Variants in TMEM179B observed in about 807,000 individuals in gnomAD.
TMEM179B encodes the protein transmembrane protein 179B.
TMEM179B carries 13 observed loss-of-function variants against 18.0 expected under a neutral mutation model. The ratio of observed to expected loss-of-function variants is 0.72; its 90% confidence interval spans 0.47 to 1.15. The LOEUF (loss-of-function observed/expected upper bound fraction) is 1.15. TMEM179B is among the 50% of genes most tolerant of loss of function. The probability of loss-of-function intolerance (pLI) is 0.00; values close to 1 mark genes in which losing one functional copy is unlikely to be tolerated. For missense variants in TMEM179B, 320 were observed against 270.6 expected (o/e 1.18, Z -1.28); for synonymous variants, 159 against 117.5 (o/e 1.35, Z -2.29).
rs769614408 is a variant in TMEM179B, at chr11:62,790,092, G to C, written c.*45G>C. On this transcript the variant is annotated 3_prime_UTR_variant, in exon 5 of 5. Transcript: ENST00000333449. ...CTGCAGCCGAAGACTCCATGCCCAA[G>C]TGCCTGTAATCCCCCCCCTCAAGGC... 4 of 1,530,932 alleles carry C rather than the reference G, an allele frequency of 2.6e-6. No homozygotes were observed. In the African/African-American group the frequency reaches 5.5e-5, roughly 21 times the overall value. The allele number at this position is 1,530,932 out of a possible 1,614,324, so 94.8% of individuals were successfully genotyped here.
At position 62,789,154 on chromosome 11, in the gene TMEM179B, C is replaced by T. The variant is rs772908332; in HGVS notation, c.228C>T (p.Tyr76=). 8.1e-6 allele frequency: 13 copies of T among 1,614,096 alleles called. No homozygotes were observed. The highest frequency in any genetic ancestry group is 1.7e-5 in the Admixed American group (1 of 59,994). The change falls in exon 2 of 5, where the codon TAC becomes TAT. Residue 76 remains tyrosine (Y), a synonymous_variant. Coordinates refer to ENST00000333449, the MANE Select transcript of TMEM179B (RefSeq NM_199337.3). The part of the protein sequence containing the change: ...VAGASGLLAL[Y]CLLLLLFWIY... The stretch of plus-strand genomic sequence containing the variant: ...GGGCCTCTGGCCTCTTGGCCCTCTA[C>T]TGCCTCCTGCTTTTGCTCTTCTGGA...
rs760912670 is a variant in TMEM179B, at chr11:62,790,341, C to T, written c.*294C>T. On this transcript the variant is annotated 3_prime_UTR_variant, in exon 5 of 5. Transcript: ENST00000333449. ...GAAACTTAGAGGTACTGTTAGGCAGCTGCCCTAGGGATGACTGCTCCTTTA... is the reference window on the plus strand; with the variant it reads ...GAAACTTAGAGGTACTGTTAGGCAGTTGCCCTAGGGATGACTGCTCCTTTA... 1.1e-5 allele frequency: 6 copies of T among 537,956 alleles called. No individual in the cohort carries two copies. The highest frequency in any genetic ancestry group is 3.7e-5 in the Admixed American group (1 of 27,262). 33.3% of individuals were successfully genotyped at this position (537,956 alleles called of 1,614,324 possible). A position where few individuals can be genotyped will look rare whatever the true frequency, so the allele number is the denominator to read the frequency against.
chr11:62,788,432 T>C (rs1427069970), intron 1 of TMEM179B, among the ~76,000 whole-genome samples: 1 of 146,434 alleles, frequency 6.8e-6, no homozygotes, highest in African/African-American at 2.5e-5. Context: ...TGGCCGGGCC[T>C]GGTGGCTCAC....
rs144162053 is a variant in TMEM179B, at chr11:62,790,104, C to A, written c.*57C>A. 6.6e-7 allele frequency: 1 copy of A among 1,503,794 alleles called. No homozygotes were observed. The highest frequency in any genetic ancestry group is 8.9e-7 in the Non-Finnish European group (1 of 1,126,564). 93.2% of individuals were successfully genotyped at this position (1,503,794 alleles called of 1,614,324 possible). ...ACTCCATGCCCAAGTGCCTGTAATC[C>A]CCCCCCTCAAGGCCCTGTTTATGTT... On this transcript the variant is annotated 3_prime_UTR_variant, in exon 5 of 5. Coordinates refer to ENST00000333449, the MANE Select transcript of TMEM179B (RefSeq NM_199337.3).
intron 1 of TMEM179B, among the ~76,000 whole-genome samples, chr11:62,788,755 T>G (rs1221664024): frequency 6.6e-6 from 1 of 152,022 alleles, no homozygotes; most frequent in Non-Finnish European, 1.5e-5. Flanking sequence ...CTAAGGTTTC[T>G]GCACAGAGAC....
rs1348376461 is a variant in TMEM179B at position 62,787,530 on chromosome 11, G to A, written c.96+3G>A. 1.9e-6 allele frequency: 3 copies of A among 1,561,234 alleles called. No homozygotes were observed. The highest frequency in any genetic ancestry group is 1.7e-6 in the Non-Finnish European group (2 of 1,162,640). On this transcript the variant is annotated splice_donor_region_variant and intron_variant, in intron 1 of 4. Transcript: ENST00000333449. Reference sequence around the variant, plus strand: ...CCGCGGCGATGACTCGGACCCAGGTGCGGCTGCGGGGCGGGGTCAGGTAGG... The same window carrying A: ...CCGCGGCGATGACTCGGACCCAGGTACGGCTGCGGGGCGGGGTCAGGTAGG...
chr11:62,788,676 CAAA>C (rs5792270), intron 1 of TMEM179B, among the ~76,000 whole-genome samples: 1 of 122,388 alleles, frequency 8.2e-6, no homozygotes. Context: ...TGCACTCCAG[CAAA>C]AAAAAAAAAA....
intron 1 of TMEM179B, chr11:62,787,901 G>C: frequency 1.9e-6 from 1 of 531,438 alleles, no homozygotes; most frequent in South Asian, 1.5e-5. Flanking sequence ...GAGAAATAAA[G>C]CATAGTGTAG....
intron 1 of TMEM179B, chr11:62,787,813 C>T (rs1673982704): frequency 1.3e-5 from 9 of 673,012 alleles, no homozygotes; most frequent in Non-Finnish European, 2.5e-5. Context: ...CACAGCCTTA[C>T]TGTGGTTCCG....
chr11:62,787,624 G>A (rs1050639867), intron 1 of TMEM179B, 97 bp downstream of exon 1: 23 of 1,398,280 alleles, frequency 1.6e-5, no homozygotes, highest in South Asian at 1.2e-4. Context: ...CTGCTGCTCG[G>A]AGCCGGTGGA....
rs776007234 is a variant in TMEM179B at position 62,789,284 on chromosome 11, C to T, written c.285-8C>T. 56 of 1,613,972 alleles carry T rather than the reference C, an allele frequency of 3.5e-5. No homozygotes were observed. The highest frequency in any genetic ancestry group is 1.6e-4 in the Middle Eastern group (1 of 6,084). ...CCTCCACCACAAGGCTTGTTCTCTC[C>T]CTTTCAGAGGTGCTATAGGGCTGCG... On this transcript the variant is annotated splice_region_variant and splice_polypyrimidine_tract_variant and intron_variant, in intron 2 of 4. Coordinates refer to ENST00000333449, the MANE Select transcript of TMEM179B (RefSeq NM_199337.3).
At position 62,789,825 on chromosome 11, in the gene TMEM179B, G is replaced by A. The variant is rs576628297; in HGVS notation, c.499-61G>A. ...TTCAGCAGTTCAGAGTGGTGTGTGG[G>A]TGGGAAGGACTGGATTTGAAATGGT... On this transcript the variant is annotated intron_variant, in intron 4 of 4. Coordinates refer to ENST00000333449, the MANE Select transcript of TMEM179B (RefSeq NM_199337.3). 55 of 1,577,584 alleles carry A rather than the reference G, an allele frequency of 3.5e-5. No homozygotes were observed. In the East Asian group the frequency reaches 5.8e-4, roughly 17 times the overall value.
chr11:62,787,607 G>C (rs2134735286), intron 1 of TMEM179B, 80 bp downstream of exon 1: 6 of 1,430,760 alleles, frequency 4.2e-6, no homozygotes, highest in East Asian at 2.5e-5. Context: ...CTTTCCGACC[G>C]GGCTTGCTGC....
rs765934571 is a variant in TMEM179B at position 62,789,314 on chromosome 11, G to A, written c.307G>A (p.Ala103Thr). The A allele has an allele frequency of 6.2e-7, 1 of 1,614,012 alleles. No homozygotes were observed. Among genetic ancestry groups the A allele is most frequent in the Non-Finnish European group, 8.5e-7 (1 of 1,179,998 alleles). ...SHRGAIGLRI[A>T]LAISAIAVFL... ...CAGAGGTGCTATAGGGCTGCGCATT[G>A]CACTGGCCATCTCAGCTATAGCCGT... The change falls in exon 3 of 5, where the codon GCA (alanine) becomes ACA (threonine). Residue 103 changes from alanine to threonine, a missense_variant. Ala to Thr is a moderately conservative substitution (Grantham distance 58). Transcript: ENST00000333449.
chr11:62,787,555 G>C (rs184429733), intron 1 of TMEM179B, 28 bp downstream of exon 1: 3 of 1,522,090 alleles, frequency 2.0e-6, no homozygotes, highest in Middle Eastern at 4.7e-4. Context: ...GGTCAGGTAG[G>C]CGGGGGAGCT....
chr11:62,789,383 A>C lies in TMEM179B; in HGVS notation c.376A>C (p.Arg126=). 6.2e-7 allele frequency: 1 copy of C among 1,613,848 alleles called. No individual in the cohort carries two copies. The highest frequency in any genetic ancestry group is 8.5e-7 in the Non-Finnish European group (1 of 1,180,000). ...VSACILRFGT[R]SLCNSIISLN... is the part of the protein sequence containing the mutation. Reference sequence around the variant, plus strand: ...TGCCTGTATCCTTCGATTTGGCACCAGGTCTCTCTGCAACTCCATCATCTC... The same window carrying C: ...TGCCTGTATCCTTCGATTTGGCACCCGGTCTCTCTGCAACTCCATCATCTC... Residue 126 remains arginine (R), a synonymous_variant, in exon 3 of 5, where the codon AGG becomes CGG. Coordinates refer to ENST00000333449, the MANE Select transcript of TMEM179B (RefSeq NM_199337.3).
Position 62,789,087 on chromosome 11 carries a change from T to A in TMEM179B, c.161T>A (p.Leu54Ter), listed in dbSNP as rs749136998. The change falls in exon 2 of 5, where the codon TTA (leucine) becomes TAA (stop). Residue 54 changes from leucine to a stop codon, truncating the protein, a stop_gained. Coordinates refer to ENST00000333449, the MANE Select transcript of TMEM179B (RefSeq NM_199337.3). LOFTEE classifies it high-confidence loss of function. ...ACCCTGAATGGCTCCTCCCTGGCCT[T>A]ATCCCGTCCCTCAGCACCATCCCTG... is the stretch of plus-strand genomic sequence containing the variant. ...VATLNGSSLA[L>*]SRPSAPSLCY... is the part of the protein sequence containing the mutation. 7.4e-6 allele frequency: 12 copies of A among 1,614,206 alleles called. 1 individual carries two copies. In the South Asian group the frequency reaches 1.1e-4, roughly 15 times the overall value.
rs2084339639 is a variant in TMEM179B, at chr11:62,789,989, A to G, written c.602A>G (p.Asp201Gly). ...ATPYRPLERG[D>G]PEWSSETDAL... ...CCATACCGGCCTCTGGAGAGGGGTG[A>G]CCCTGAGTGGAGCTCTGAGACAGAT... is the stretch of plus-strand genomic sequence containing the variant. Residue 201 changes from aspartate to glycine, a missense_variant, in exon 5 of 5, where the codon GAC (aspartate) becomes GGC (glycine). Physicochemically the swap from Asp to Gly is moderately conservative, Grantham distance 94 (BLOSUM62 -1). Coordinates refer to ENST00000333449, the MANE Select transcript of TMEM179B (RefSeq NM_199337.3). The G allele has an allele frequency of 6.2e-7, 1 of 1,613,808 alleles. No individual in the cohort carries two copies. The highest frequency in any genetic ancestry group is 1.3e-5 in the African/African-American group (1 of 74,840).
At chr11:62,787,898 A>G in intron 1 of TMEM179B, 1 of 538,296 alleles carries the variant, frequency 1.9e-6, no homozygotes. Flanking sequence ...GTCGAGAAAT[A>G]AAGCATAGTG....
Sources: allele counts gnomAD v4.1 joint callset (sites outside exome capture counted in the v4.1 genomes callset), GRCh38; gene constraint gnomAD v4.1.1; transcripts MANE v1.5; gene names NCBI Gene and HGNC (gene_info 2026-07-23, HGNC 2026-07-21).